Variants in ADAMTS3 observed in about 807,000 individuals in gnomAD.
ADAMTS3 encodes the protein A disintegrin and metalloproteinase with thrombospondin motifs 3.
A neutral mutation model predicts 129.0 loss-of-function variants in ADAMTS3; 73 were observed. The observed-to-expected ratio is 0.57, with a 90% CI of 0.47 to 0.69. The LOEUF (loss-of-function observed/expected upper bound fraction) is 0.69. Ranked by LOEUF, ADAMTS3 falls within the 30% of genes least tolerant of loss-of-function variation. ADAMTS3 has a pLI of 0.00. For synonymous variants in ADAMTS3, 477 were observed against 510.8 expected (o/e 0.93, Z 0.89); for missense variants, 1,457 against 1,514.5 (o/e 0.96, Z 0.63).
chr4:72,515,372 A>C (rs1454265975), intron 3 of ADAMTS3, among the ~76,000 whole-genome samples: 1 of 151,736 alleles, frequency 6.6e-6, no homozygotes, highest in Admixed American at 6.6e-5. Flanking sequence ...GGCTGGGTCA[A>C]ATGGTATTTC....
intron 3 of ADAMTS3, among the ~76,000 whole-genome samples, chr4:72,466,279 G>C (rs1013020741): frequency 2.0e-5 from 3 of 152,004 alleles, no homozygotes; most frequent in African/African-American, 7.2e-5. Context: ...AGAAGAAGAG[G>C]CTAGAGGGAT....
At chr4:72,359,020 A>G (rs2109852787) in intron 4 of ADAMTS3, among the ~76,000 whole-genome samples, 1 of 152,148 alleles carries the variant, frequency 6.6e-6, no homozygotes, top group Middle Eastern at 3.4e-3. Flanking sequence ...CAAAACAAAG[A>G]AAATCCTGAG....
chr4:72,478,950 CA>C (rs1479137737), intron 3 of ADAMTS3, among the ~76,000 whole-genome samples: 1 of 151,934 alleles, frequency 6.6e-6, no homozygotes, highest in Non-Finnish European at 1.5e-5. Context: ...ACAATTGCTT[CA>C]AAGAGAATAA....
chr4:72,296,905 T>TA (rs1214360588), intron 18 of ADAMTS3, among the ~76,000 whole-genome samples: 1 of 152,196 alleles, frequency 6.6e-6, no homozygotes. Context: ...CTTTTTGTCT[T>TA]ACGGCATTTA....
chr4:72,527,284 T>G (rs1022918839), intron 3 of ADAMTS3, among the ~76,000 whole-genome samples: 9 of 152,142 alleles, frequency 5.9e-5, no homozygotes, highest in African/African-American at 1.4e-4. Flanking sequence ...AAACCTTCCT[T>G]GACCCTTAGC....
chr4:72,349,206 C>A (rs2109842232), intron 4 of ADAMTS3, among the ~76,000 whole-genome samples: 1 of 152,090 alleles, frequency 6.6e-6, no homozygotes, highest in African/African-American at 2.4e-5. Context: ...GCTGAGCTAG[C>A]TGATCACTAA....
rs788908 is a variant in ADAMTS3, at chr4:72,548,569, C to T, written c.413G>A (p.Arg138Lys). ...ACAGTTAGTCTGCAAAGGCTCTGTTCTCCGGATTCTATACGTAGCACTTCC... is the reference window on the plus strand; with the variant it reads ...ACAGTTAGTCTGCAAAGGCTCTGTTTTCCGGATTCTATACGTAGCACTTCC... ...QPGSATYRIR[R>K]TEPLQTNCAY... Residue 138 changes from arginine (R) to lysine (K), a missense_variant, in exon 3 of 22, where the codon AGA becomes AAA. Coordinates refer to ENST00000286657, the MANE Select transcript of ADAMTS3 (RefSeq NM_014243.3). 0.62 allele frequency: 1,001,543 copies of T among 1,613,654 alleles called. 314,245 individuals carry two copies. Among genetic ancestry groups the T allele is most frequent in the African/African-American group, 0.8 (59,995 of 74,934 alleles).
intron 4 of ADAMTS3, among the ~76,000 whole-genome samples, chr4:72,361,429 C>G (rs1409646428): frequency 6.6e-6 from 1 of 152,072 alleles, no homozygotes; most frequent in Non-Finnish European, 1.5e-5. Context: ...GCAATAATAT[C>G]AAATTCTTAA....
At chr4:72,298,204 G>A (rs1578560509) in intron 18 of ADAMTS3, 73 bp downstream of exon 18, 21 of 1,275,170 alleles carry the variant, frequency 1.6e-5, no homozygotes, top group East Asian at 7.1e-5. Context: ...ATTAGAGACA[G>A]CAATAAAGGT....
rs116191342 is a variant in ADAMTS3 at position 72,316,294 on chromosome 4, G to C, written c.1486-323C>G. ...TTTCTAAAGACTTAGTAATTATCAT[G>C]AATATTGTAAATATGAAAATATAAT... is the stretch of plus-strand genomic sequence containing the variant. On this transcript the variant is annotated intron_variant, in intron 10 of 21. Transcript: ENST00000286657. Among the ~76,000 whole-genome samples the C allele has an allele frequency of 2.4e-3, 358 of 152,250 alleles. 3 individuals are homozygous for C. Among genetic ancestry groups the C allele is most frequent in the African/African-American group, 8.5e-3 (355 of 41,534 alleles).
chr4:72,322,395 C>A (rs1719579463), intron 6 of ADAMTS3, among the ~76,000 whole-genome samples: 1 of 152,144 alleles, frequency 6.6e-6, no homozygotes, highest in Admixed American at 6.6e-5. Context: ...TATGTTTCCT[C>A]CTTAAAGGAG....
At chr4:72,347,521 C>T (rs117942572) in intron 4 of ADAMTS3, among the ~76,000 whole-genome samples, 1 of 151,850 alleles carries the variant, frequency 6.6e-6, no homozygotes, top group Admixed American at 6.6e-5. Context: ...TCTCTCGGTT[C>T]TATTTTAAAT....
intron 4 of ADAMTS3, among the ~76,000 whole-genome samples, chr4:72,352,087 C>T (rs775068260): frequency 1.4e-4 from 22 of 151,862 alleles, no homozygotes; most frequent in Non-Finnish European, 2.8e-4. Flanking sequence ...AGTTCATCTT[C>T]TTAGATTTTA....
chr4:72,313,756 A>T lies in ADAMTS3; in HGVS notation c.1666T>A (p.Ser556Thr). The change falls in exon 12 of 22, where the codon TCA becomes ACA. Residue 556 changes from serine to threonine, a missense_variant. Transcript: ENST00000286657. ...GAACAGGAGCCAAATTTAGTCCATG[A>T]CCCCCAATTGCCATCTTGTTTTTGC... The part of the protein sequence containing the change: ...NQQKQDGNWG[S>T]WTKFGSCSRT... The T allele has an allele frequency of 1.2e-6, 2 of 1,613,770 alleles. No homozygotes were observed. The highest frequency in any genetic ancestry group is 1.7e-6 in the Non-Finnish European group (2 of 1,179,876).
At chr4:72,316,538 A>T (rs1297462051) in intron 10 of ADAMTS3, among the ~76,000 whole-genome samples, 2 of 152,020 alleles carry the variant, frequency 1.3e-5, no homozygotes, top group African/African-American at 4.8e-5. Flanking sequence ...ACACAAAAAA[A>T]TTGGCCAGGC....
rs1465147520 is a variant in ADAMTS3, at chr4:72,280,983, A to G, written c.*2153T>C. On this transcript the variant is annotated 3_prime_UTR_variant, in exon 22 of 22. Coordinates refer to ENST00000286657, the MANE Select transcript of ADAMTS3 (RefSeq NM_014243.3). ...AGAGCCAGATGTATATTTTGTTAAC[A>G]TTTTTATTGGTACGTGCTCTCAGTA... 1.3e-5 allele frequency: 2 copies of G among 152,596 alleles called. No homozygotes were observed. The highest frequency in any genetic ancestry group is 2.9e-5 in the Non-Finnish European group (2 of 68,024). The allele number at this position is 152,596 out of a possible 1,614,324, so 9.5% of individuals were successfully genotyped here. A position where few individuals can be genotyped will look rare whatever the true frequency, so the allele number is the denominator to read the frequency against.
At chr4:72,469,067 A>G (rs1718995449) in intron 3 of ADAMTS3, among the ~76,000 whole-genome samples, 1 of 151,980 alleles carries the variant, frequency 6.6e-6, no homozygotes, top group African/African-American at 2.4e-5. Context: ...TCTACTCATC[A>G]ATCATTATCA....
At chr4:72,347,984 T>G (rs557376398) in intron 4 of ADAMTS3, among the ~76,000 whole-genome samples, 1 of 152,160 alleles carries the variant, frequency 6.6e-6, no homozygotes, top group South Asian at 2.1e-4. Context: ...AAACTCTACA[T>G]TTGCATTCTA....
chr4:72,401,170 C>T (rs72607843), intron 4 of ADAMTS3, among the ~76,000 whole-genome samples: 37,071 of 151,640 alleles, frequency 0.24, 5,196 homozygotes, highest in Non-Finnish European at 0.32. Flanking sequence ...TCCATCATCA[C>T]GTAAAATCCT....
Sources: gnomAD v4.1 joint callset for allele counts (sites outside exome capture counted in the v4.1 genomes callset) on GRCh38, gnomAD v4.1.1 for gene constraint, MANE v1.5 for transcripts, NCBI Gene and HGNC (gene_info 2026-07-23, HGNC 2026-07-21) for gene names.